Variants in MYO19 observed in about 807,000 individuals in gnomAD.
MYO19 encodes myosin XIX, also known as unconventional myosin-XIX.
A neutral mutation model predicts 129.2 loss-of-function variants in MYO19; 132 were observed. That is an observed-to-expected ratio of 1.02 (90% CI 0.89 to 1.18). MYO19 has a LOEUF of 1.18. Ranked by LOEUF, MYO19 falls within the 50% of genes most tolerant of loss-of-function variation. MYO19 has a pLI of 0.00. For synonymous variants in MYO19, 531 were observed against 477.2 expected, an observed-to-expected ratio of 1.11 and a Z score of -1.47; for missense variants, 1,210 against 1,216.7, an observed-to-expected ratio of 0.99 and a Z score of 0.08.
Position 36,515,757 on chromosome 17 carries a change from C to T in MYO19, c.547+101G>A, listed in dbSNP as rs972677152. ...TGAAGGATACACTCATCCTCCACCC[C>T]CACCCAAGAGAGGGTCTCAAAGCAC... On this transcript the variant is annotated intron_variant, in intron 7 of 25. Coordinates refer to ENST00000614623, the MANE Select transcript of MYO19 (RefSeq NM_001163735.2). 3.7e-6 allele frequency: 5 copies of T among 1,342,250 alleles called. No individual in the cohort carries two copies. The African/African-American group carries it at 5.8e-5, about 16-fold the overall frequency. The allele number at this position is 1,342,250 out of a possible 1,614,324, so 83.1% of individuals were successfully genotyped here. A position where few individuals can be genotyped will look rare whatever the true frequency, so the allele number is the denominator to read the frequency against.
chr17:36,507,009 G>A lies in MYO19; in HGVS notation c.1598C>T (p.Ala533Val), dbSNP rs557418507. The A allele has an allele frequency of 2.2e-5, 35 of 1,612,832 alleles. No homozygotes were observed. The highest frequency in any genetic ancestry group is 1.7e-4 in the Middle Eastern group (1 of 6,060). Residue 533 changes from alanine (A) to valine (V), a missense_variant, in exon 17 of 26, where the codon GCG (alanine) becomes GTG (valine). Physicochemically the swap from Ala to Val is moderately conservative, Grantham distance 64. Transcript: ENST00000614623. The stretch of plus-strand genomic sequence containing the variant: ...TGCTGTGTGGTACCGCACAGGCCCC[G>A]CATAATGCACCACAATGAAGCTGGG... ...REPSFIVVHY[A>V]GPVRYHTAGL...
chr17:36,500,579 A>G (rs2071443612), intron 23 of MYO19: 1 of 500,250 alleles, frequency 2.0e-6, no homozygotes, highest in Non-Finnish European at 3.4e-6. Flanking sequence ...AATTAAAGAC[A>G]ACGCTTAGAC....
In MYO19 at chr17:36,495,659, G is replaced by A. The variant is rs1397716803; in HGVS notation, c.*592C>T. ...GATTGTTTTTAAATGTTTTACTTTT[G>A]GTACAGTTGATAGACATCATAAACG... On this transcript the variant is annotated 3_prime_UTR_variant, in exon 26 of 26. Transcript: ENST00000614623. The A allele has an allele frequency of 3.1e-6, 4 of 1,285,254 alleles. No homozygotes were observed. In the Admixed American group the frequency reaches 1.5e-4, roughly 48 times the overall value. 79.6% of individuals were successfully genotyped at this position (1,285,254 alleles called of 1,614,324 possible).
In MYO19 at chr17:36,506,984, T is replaced by C; in HGVS notation, c.1623A>G (p.Ala541=). ...GTACCTTGTTCTTCTCCACCAGGCCTGCTGTGTGGTACCGCACAGGCCCCG... is the reference window on the plus strand; with the variant it reads ...GTACCTTGTTCTTCTCCACCAGGCCCGCTGTGTGGTACCGCACAGGCCCCG... ...HYAGPVRYHT[A]GLVEKNKDPI... is the part of the protein sequence containing the mutation. Residue 541 remains alanine, a synonymous_variant, in exon 17 of 26, where the codon GCA becomes GCG. Coordinates refer to ENST00000614623, the MANE Select transcript of MYO19 (RefSeq NM_001163735.2). 2 of 1,600,810 alleles carry C rather than the reference T, an allele frequency of 1.2e-6. No homozygotes were observed. The highest frequency in any genetic ancestry group is 1.7e-6 in the Non-Finnish European group (2 of 1,169,666).
chr17:36,504,913 A>C (rs2071771321), intron 19 of MYO19: 1 of 24,786 alleles, frequency 4.0e-5, no homozygotes, highest in South Asian at 1.2e-3. Flanking sequence ...GCTCAGTCTC[A>C]AAAAAAAAAA....
chr17:36,507,402 A>G lies in MYO19; in HGVS notation c.1464T>C (p.Asn488=). ...GSPISICSLI[N]EECRLNRPSS... ...GCTCATTAGCTGACCTCCCCACCTC[A>G]TTTATGAGGGAGCAGATGCTGATGG... The change falls in exon 16 of 26, where the codon AAT becomes AAC. Residue 488 remains asparagine, a synonymous_variant. Transcript: ENST00000614623. 6.2e-7 allele frequency: 1 copy of G among 1,613,070 alleles called. No individual in the cohort carries two copies. The highest frequency in any genetic ancestry group is 1.1e-5 in the South Asian group (1 of 91,050).
At chr17:36,511,516 A>G (rs910505998) in intron 11 of MYO19, 61 bp from the exon 12 acceptor site, 23 of 1,444,846 alleles carry the variant, frequency 1.6e-5, no homozygotes, top group Non-Finnish European at 2.2e-5. Flanking sequence ...CTACTCTGGG[A>G]AGGGCCGTTC....
upstream of MYO19, among the ~76,000 whole-genome samples, chr17:36,544,188 A>T (rs1244685234): frequency 6.6e-6 from 1 of 152,208 alleles, no homozygotes; most frequent in Non-Finnish European, 1.5e-5. Flanking sequence ...ACCCAGCCCA[A>T]GAAGTTCCTT....
intron 6 of MYO19, among the ~76,000 whole-genome samples, chr17:36,520,233 C>T (rs1297739774): frequency 1.3e-5 from 2 of 152,162 alleles, no homozygotes; most frequent in African/African-American, 4.8e-5. Context: ...GCCTCAGCCT[C>T]CCAAAGTGCT....
chr17:36,498,003 GGA>G, intron 25 of MYO19: 1 of 478,858 alleles, frequency 2.1e-6, no homozygotes, highest in Admixed American at 3.6e-5. Flanking sequence ...CATTGCATTT[GGA>G]AATGGGACTA....
At chr17:36,514,195 A>G (rs1244247790) in intron 9 of MYO19, among the ~76,000 whole-genome samples, 1 of 152,198 alleles carries the variant, frequency 6.6e-6, no homozygotes, top group Non-Finnish European at 1.5e-5. Flanking sequence ...CTAGAGATAC[A>G]GTCCCAGCCT....
At chr17:36,538,487 C>G (rs575119800), upstream of MYO19, 5 of 1,614,100 alleles carry the variant, frequency 3.1e-6, no homozygotes, top group East Asian at 4.5e-5. Flanking sequence ...CTGGCCTGAT[C>G]AACCTGATGG....
rs2072599320 is a variant in MYO19 at position 36,514,464 on chromosome 17, G to A, written c.702C>T (p.Asn234=). Residue 234 remains asparagine, a synonymous_variant, in exon 9 of 26, where the codon AAC becomes AAT. Transcript: ENST00000614623. ...CACAAACCTGATAGAAGATGTGGAA[G>A]TTCCTCTCACTGGAAGCCTGGCAGG... The part of the protein sequence containing the change: ...RVACQASSER[N]FHIFYQICKG... The A allele has an allele frequency of 6.2e-7, 1 of 1,612,158 alleles. No individual in the cohort carries two copies. The highest frequency in any genetic ancestry group is 8.5e-7 in the Non-Finnish European group (1 of 1,178,310).
At position 36,513,493 on chromosome 17, in the gene MYO19, T is replaced by C; in HGVS notation, c.830A>G (p.Glu277Gly). Residue 277 changes from glutamate (E) to glycine (G), a missense_variant, in exon 11 of 26, where the codon GAG becomes GGG. Glu to Gly is a moderately conservative substitution (Grantham distance 98). Transcript: ENST00000614623. ...PERSLEEDCF[E>G]VTREAMLHLG... ...ATGGAGCATGGCCTCTCTGGTCACCTCAAAACAATCCTCTGAAAAAGAATC... is the reference window on the plus strand; with the variant it reads ...ATGGAGCATGGCCTCTCTGGTCACCCCAAAACAATCCTCTGAAAAAGAATC... 6.2e-7 allele frequency: 1 copy of C among 1,613,914 alleles called. No homozygotes were observed. Among genetic ancestry groups the C allele is most frequent in the Non-Finnish European group, 8.5e-7 (1 of 1,179,864 alleles).
At chr17:36,507,693 A>G (rs2072014448) in intron 15 of MYO19, 110 bp downstream of exon 15, 3 of 1,351,620 alleles carry the variant, frequency 2.2e-6, no homozygotes, top group Non-Finnish European at 3.0e-6. Context: ...TAAAAATAAA[A>G]TAAGAAGGAA....
upstream of MYO19, among the ~76,000 whole-genome samples, chr17:36,539,737 C>T (rs1004219474): frequency 1.3e-5 from 2 of 152,262 alleles, no homozygotes; most frequent in South Asian, 4.1e-4. Flanking sequence ...AAGCACAGCA[C>T]AAATTTCCTG....
chr17:36,528,533 C>A (rs2073633753), intron 3 of MYO19, among the ~76,000 whole-genome samples: 2 of 149,966 alleles, frequency 1.3e-5, no homozygotes, highest in Non-Finnish European at 3.0e-5. Context: ...AACCAAAAAA[C>A]ATGAAGGCCG....
chr17:36,531,090 A>G (rs913837413), intron 3 of MYO19, among the ~76,000 whole-genome samples: 1 of 151,994 alleles, frequency 6.6e-6, no homozygotes, highest in Admixed American at 6.6e-5. Context: ...TAAATAAACA[A>G]AAATTATTAA....
intron 25 of MYO19, 96 bp downstream of exon 25, chr17:36,498,170 T>C (rs1049840157): frequency 7.2e-7 from 1 of 1,398,068 alleles, no homozygotes; most frequent in African/African-American, 1.4e-5. Flanking sequence ...GGATGGATCT[T>C]GTCCCAGCCT....
Sources: gnomAD v4.1 joint callset for allele counts (sites outside exome capture counted in the v4.1 genomes callset) on GRCh38, gnomAD v4.1.1 for gene constraint, MANE v1.5 for transcripts, NCBI Gene and HGNC (gene_info 2026-07-23, HGNC 2026-07-21) for gene names.